Variants in CFAP20DC observed in about 807,000 individuals in gnomAD.
CFAP20DC encodes the protein protein CFAP20DC.
CFAP20DC carries 84 observed loss-of-function variants against 101.7 expected under a neutral mutation model. The observed-to-expected ratio is 0.83, with a 90% confidence interval of 0.69 to 0.99. The LOEUF (loss-of-function observed/expected upper bound fraction) is 0.99, where lower values mean the gene tolerates loss of function less well. Among genes scored for constraint, CFAP20DC ranks in the 50% least tolerant of loss-of-function variants. CFAP20DC has a pLI of 0.00. For synonymous variants in CFAP20DC, 359 were observed against 351.2 expected (o/e 1.02, Z -0.25); for missense variants, 1,007 against 970.3 (o/e 1.04, Z -0.50).
rs958064408 is a variant in CFAP20DC at position 58,732,217 on chromosome 3, C to T, written c.198-14589G>A. Reference sequence around the variant, plus strand: ...CGGTCCAAGGCCTACCCTAATGACTCGTTAGGTCAATTAAAAAAAGAGGAC... The same window carrying T: ...CGGTCCAAGGCCTACCCTAATGACTTGTTAGGTCAATTAAAAAAAGAGGAC... On this transcript the variant is annotated intron_variant, in intron 3 of 3. Coordinates refer to the CFAP20DC transcript ENST00000486145. The surrounding 1 kb of genome is among the most constrained non-coding windows in gnomAD (Gnocchi z 5.4). Among the ~76,000 whole-genome samples, 1 of 151,884 alleles carries T rather than the reference C, an allele frequency of 6.6e-6. No homozygotes were observed.
intron 4 of CFAP20DC, among the ~76,000 whole-genome samples, chr3:58,996,605 G>C (rs2093142550): frequency 6.6e-6 from 1 of 151,990 alleles, no homozygotes. Flanking sequence ...CTATATCCTG[G>C]GCCAGGAAAA....
chr3:58,826,700 T>C (rs958104952), intron 14 of CFAP20DC, among the ~76,000 whole-genome samples: 2 of 152,220 alleles, frequency 1.3e-5, no homozygotes, highest in Non-Finnish European at 2.9e-5. Context: ...GACTGACAAC[T>C]AGCTGTGATG....
chr3:58,931,816 G>A (rs539037768), intron 5 of CFAP20DC, among the ~76,000 whole-genome samples: 5 of 152,278 alleles, frequency 3.3e-5, no homozygotes, highest in African/African-American at 1.2e-4. Context: ...AAACCACAAA[G>A]ATGGGGAAAA....
Position 58,732,817 on chromosome 3 carries a change from T to C in CFAP20DC, c.198-15189A>G, listed in dbSNP as rs1277203156. Among the ~76,000 whole-genome samples the C allele has an allele frequency of 6.6e-6, 1 of 152,206 alleles. No homozygotes were observed. Among genetic ancestry groups the C allele is most frequent in the Non-Finnish European group, 1.5e-5 (1 of 68,032 alleles). ...AACCATGGTTTTGAAGACACTGGTATGTCTTTGGTGAAATGTTCTATATCT... is the reference window on the plus strand; with the variant it reads ...AACCATGGTTTTGAAGACACTGGTACGTCTTTGGTGAAATGTTCTATATCT... On this transcript the variant is annotated intron_variant, in intron 3 of 3. Coordinates refer to the CFAP20DC transcript ENST00000486145. This position sits in a 1 kb window ranked among gnomAD's most constrained non-coding sequence, Gnocchi z 5.4.
At chr3:58,955,702 G>A (rs1386578213) in intron 4 of CFAP20DC, among the ~76,000 whole-genome samples, 1 of 151,954 alleles carries the variant, frequency 6.6e-6, no homozygotes, top group African/African-American at 2.4e-5. Flanking sequence ...GTGAACTGGG[G>A]GGGCATGTGA....
At chr3:58,980,465 T>G (rs2092483242) in intron 4 of CFAP20DC, among the ~76,000 whole-genome samples, 2 of 152,154 alleles carry the variant, frequency 1.3e-5, no homozygotes, top group Non-Finnish European at 2.9e-5. Context: ...AATAAAATAC[T>G]GGCAAACCAA....
chr3:58,881,049 C>T (rs1027129195), intron 7 of CFAP20DC, among the ~76,000 whole-genome samples: 2 of 152,114 alleles, frequency 1.3e-5, no homozygotes, highest in Non-Finnish European at 2.9e-5. Context: ...AAATTTGAAT[C>T]TTACTTTCAT....
In CFAP20DC at chr3:58,905,926, C is replaced by G. The variant is rs1335474292; in HGVS notation, c.550+7782G>C. 2.0e-5 allele frequency among the ~76,000 whole-genome samples: 3 copies of G among 152,166 alleles called. No homozygotes were observed. In the East Asian group the frequency reaches 5.8e-4, roughly 29 times the overall value. On this transcript the variant is annotated intron_variant, in intron 6 of 16. Coordinates refer to ENST00000482387, the MANE Select transcript of CFAP20DC (RefSeq NM_001394063.1). ...GTATCTTTCCTTTTTAAATCTGTCT[C>G]TCTTCTACCAGCACATGAGAAGCAG...
At chr3:59,028,463 T>A (rs2093931236) in intron 4 of CFAP20DC, among the ~76,000 whole-genome samples, 1 of 152,190 alleles carries the variant, frequency 6.6e-6, no homozygotes, top group South Asian at 2.1e-4. Flanking sequence ...ATGAGAAGCC[T>A]CTTGAGAAGA....
At chr3:58,761,689 C>T (rs1385344813) in intron 15 of CFAP20DC, among the ~76,000 whole-genome samples, 8 of 152,104 alleles carry the variant, frequency 5.3e-5, no homozygotes, top group South Asian at 4.1e-4. Context: ...TATAAATTTC[C>T]GTCTACACAC....
intron 3 of CFAP20DC, among the ~76,000 whole-genome samples, chr3:58,718,363 A>G (rs2067425281): frequency 6.6e-6 from 1 of 151,890 alleles, no homozygotes; most frequent in African/African-American, 2.4e-5. Flanking sequence ...ATTCCTTCTC[A>G]CCCCAGAGCA....
rs966900249 is a variant in CFAP20DC at position 58,971,749 on chromosome 3, C to G, written c.279-33987G>C. On this transcript the variant is annotated intron_variant, in intron 4 of 16. Transcript: ENST00000482387. This position sits in a 1 kb window ranked among gnomAD's most constrained non-coding sequence, Gnocchi z 4.1. ...AGATTTAGTAGTATGGAAATCGTCT[C>G]AAGGCAGGTAACAGAGAAAGCCCCA... Among the ~76,000 whole-genome samples the G allele has an allele frequency of 6.6e-6, 1 of 151,980 alleles. No individual in the cohort carries two copies. The highest frequency in any genetic ancestry group is 1.5e-5 in the Non-Finnish European group (1 of 67,988).
Position 58,806,434 on chromosome 3 carries a change from T to C in CFAP20DC, c.2198A>G (p.Tyr733Cys). ...AGAAGGTGGGTTCATTTCTTTCTGA[T>C]AGTGGCGACCCTGGTTGACAGGCTG... ...LPPPVNQGRH[Y>C]QKEMNPPSPS... is the part of the protein sequence containing the mutation. The change falls in exon 15 of 17, where the codon TAT (tyrosine) becomes TGT (cysteine). Residue 733 changes from tyrosine to cysteine, a missense_variant. Coordinates refer to ENST00000482387, the MANE Select transcript of CFAP20DC (RefSeq NM_001394063.1). The C allele has an allele frequency of 1.2e-6, 2 of 1,612,484 alleles. No individual in the cohort carries two copies. Among genetic ancestry groups the C allele is most frequent in the Non-Finnish European group, 1.7e-6 (2 of 1,178,502 alleles).
chr3:58,871,615 G>A (rs564631706), intron 7 of CFAP20DC, among the ~76,000 whole-genome samples: 17 of 149,718 alleles, frequency 1.1e-4, no homozygotes, highest in South Asian at 6.4e-4. Flanking sequence ...TGCAACCGCC[G>A]CCTCCTGGGT....
At chr3:58,935,571 C>A (rs370172557) in intron 5 of CFAP20DC, among the ~76,000 whole-genome samples, 1 of 152,044 alleles carries the variant, frequency 6.6e-6, no homozygotes, top group African/African-American at 2.4e-5. Flanking sequence ...GGTACCAAAA[C>A]AGAGATATAG....
At chr3:58,774,975 T>C (rs963694085) in intron 15 of CFAP20DC, among the ~76,000 whole-genome samples, 10 of 152,210 alleles carry the variant, frequency 6.6e-5, no homozygotes, top group Admixed American at 6.5e-4. Context: ...AAATAAATAC[T>C]TGCTAACTAT....
rs543399310 is a variant in CFAP20DC at position 58,756,438 on chromosome 3, T to A, written c.2238-2575A>T. Among the ~76,000 whole-genome samples the A allele has an allele frequency of 3.0e-4, 45 of 152,266 alleles. No individual in the cohort carries two copies. The South Asian group carries it at 8.9e-3, about 30-fold the overall frequency. ...TTCAAAACTGACTTCGGTTCTTTTT[T>A]TCCCCATTTTCAATGTGAGTATATT... On this transcript the variant is annotated intron_variant, in intron 15 of 16. Transcript: ENST00000482387.
chr3:58,735,257 A>G (rs566060021), intron 3 of CFAP20DC, among the ~76,000 whole-genome samples: 1 of 152,264 alleles, frequency 6.6e-6, no homozygotes, highest in Non-Finnish European at 1.5e-5. Context: ...TTCACATAGC[A>G]TATAATCTGA....
chr3:58,799,990 G>A lies in CFAP20DC; in HGVS notation c.2237+6405C>T, dbSNP rs187801437. On this transcript the variant is annotated intron_variant, in intron 15 of 16. Transcript: ENST00000482387. The surrounding 1 kb of genome is among the most constrained non-coding windows in gnomAD (Gnocchi z 4.9). ...CCATCCAGGCAGCACTCCTAAGTGG[G>A]GACCAAGCCTGGAGTATCAGAGGGA... 4.1e-3 allele frequency among the ~76,000 whole-genome samples: 631 copies of A among 152,254 alleles called. 4 individuals carry two copies. Among genetic ancestry groups the A allele is most frequent in the Non-Finnish European group, 6.3e-3 (429 of 68,020 alleles).
Sources: allele counts gnomAD v4.1 joint callset (sites outside exome capture counted in the v4.1 genomes callset), GRCh38; gene constraint gnomAD v4.1.1; non-coding constraint Gnocchi (gnomAD v3.1); transcripts MANE v1.5; gene names NCBI Gene and HGNC (gene_info 2026-07-23, HGNC 2026-07-21).